GPHN: variants seen among roughly 807,000 people sequenced by gnomAD.
GPHN encodes gephyrin.
Under a neutral mutation model 95.5 loss-of-function variants are expected in GPHN, and 17 were observed. The observed-to-expected ratio is 0.18, with a 90% CI of 0.12 to 0.27. The LOEUF (loss-of-function observed/expected upper bound fraction) is 0.27, where lower values mean the gene tolerates loss of function less well. Among genes scored for constraint, GPHN ranks in the 10% least tolerant of loss-of-function variants. The pLI is 1.00. For missense variants in GPHN, 660 were observed against 978.1 expected, an observed-to-expected ratio of 0.67 and a Z score of 4.34; for synonymous variants, 320 against 322.5, an observed-to-expected ratio of 0.99 and a Z score of 0.08.
At chr14:67,574,398 A>G in the GPHN span, 10 of 1,568,586 alleles carry the variant, frequency 6.4e-6, no homozygotes, top group Non-Finnish European at 3.5e-6. This position sits in a 1 kb window ranked among gnomAD's most constrained non-coding sequence, Gnocchi z 4.2. Context: ...GGGCTGGCTG[A>G]CCAAGGTAGA....
At chr14:67,079,909 C>A (rs756629500) in intron 11 of GPHN, among the ~76,000 whole-genome samples, 2 of 151,988 alleles carry the variant, frequency 1.3e-5, no homozygotes, top group Non-Finnish European at 2.9e-5. Flanking sequence ...ATATTCAAGA[C>A]CTTGCTTTTA....
At chr14:67,173,564 C>T (rs745611468) in intron 21 of GPHN, among the ~76,000 whole-genome samples, 8 of 152,146 alleles carry the variant, frequency 5.3e-5, no homozygotes, top group Non-Finnish European at 7.4e-5. Context: ...AAATGAAAGA[C>T]TTTTTCTATG....
the GPHN span, among the ~76,000 whole-genome samples, chr14:67,477,751 G>A: frequency 6.6e-6 from 1 of 152,192 alleles, no homozygotes; most frequent in South Asian, 2.1e-4. Flanking sequence ...AGACAATGCA[G>A]TGAGACTCTG....
intron 2 of GPHN, among the ~76,000 whole-genome samples, chr14:66,743,796 A>G (rs1234350886): frequency 6.6e-6 from 1 of 152,082 alleles, no homozygotes; most frequent in East Asian, 1.9e-4. Flanking sequence ...ACAGCTAACC[A>G]AGTCTTATTT....
the GPHN span, among the ~76,000 whole-genome samples, chr14:67,549,785 G>A: frequency 9.8e-5 from 15 of 152,328 alleles, no homozygotes; most frequent in African/African-American, 3.1e-4. Context: ...AGTGTGGTCT[G>A]TGGACCACCA....
In GPHN at chr14:66,668,384, A is replaced by T. The variant is rs543154287; in HGVS notation, c.65-12723A>T. Among the ~76,000 whole-genome samples, 12 of 152,332 alleles carry T rather than the reference A, an allele frequency of 7.9e-5. No individual in the cohort carries two copies. The South Asian group carries it at 2.1e-3, about 26-fold the overall frequency. On this transcript the variant is annotated intron_variant, in intron 1 of 22. Transcript: ENST00000478722. Reference sequence around the variant, plus strand: ...ATAGCAAACATATGGAATCAACCCAAGTGCCCATCAATGATAGACTGGATA... The same window carrying T: ...ATAGCAAACATATGGAATCAACCCATGTGCCCATCAATGATAGACTGGATA...
chr14:66,768,255 A>G (rs1055203982), intron 2 of GPHN, among the ~76,000 whole-genome samples: 5 of 151,974 alleles, frequency 3.3e-5, no homozygotes, highest in African/African-American at 9.7e-5. Context: ...TAACATCAAT[A>G]TAAATTGCAA....
At chr14:66,609,004 G>A (rs886463907) in intron 1 of GPHN, among the ~76,000 whole-genome samples, 16 of 152,124 alleles carry the variant, frequency 1.1e-4, no homozygotes, top group Non-Finnish European at 1.5e-5. Flanking sequence ...ATTGATATGT[G>A]AAGTTTTGAT....
chr14:67,370,166 T>G, the GPHN span, among the ~76,000 whole-genome samples: 1 of 152,270 alleles, frequency 6.6e-6, no homozygotes, highest in Admixed American at 6.5e-5. Context: ...AGCAGTTTTC[T>G]GCCCTGGGCG....
chr14:67,706,420 T>A, the GPHN span, among the ~76,000 whole-genome samples: 26 of 152,304 alleles, frequency 1.7e-4, no homozygotes, highest in African/African-American at 6.3e-4. Context: ...ACAACATATG[T>A]CCAAGGTGGT....
chr14:66,685,198 C>T (rs771759284), intron 2 of GPHN, among the ~76,000 whole-genome samples: 8 of 152,022 alleles, frequency 5.3e-5, no homozygotes, highest in South Asian at 2.1e-4. Context: ...TGAATAGTGC[C>T]GCAATAAACA....
chr14:66,585,557 T>C (rs1337852389), intron 1 of GPHN, among the ~76,000 whole-genome samples: 1 of 152,210 alleles, frequency 6.6e-6, no homozygotes, highest in Non-Finnish European at 1.5e-5. Context: ...CACACTGCTT[T>C]AAATGTGTCC....
At chr14:67,283,007 T>C in the GPHN span, among the ~76,000 whole-genome samples, 3 of 152,122 alleles carry the variant, frequency 2.0e-5, no homozygotes, top group Admixed American at 2.0e-4. Context: ...ATCATATATG[T>C]GACTATAAAA....
chr14:67,661,362 C>T, the GPHN span, among the ~76,000 whole-genome samples: 10 of 137,632 alleles, frequency 7.3e-5, no homozygotes, highest in African/African-American at 2.7e-4. Flanking sequence ...GTTCAGTAAA[C>T]GGAACCAACT....
the GPHN span, chr14:67,392,645 C>T: frequency 6.3e-7 from 1 of 1,599,346 alleles, no homozygotes; most frequent in East Asian, 2.2e-5. Flanking sequence ...GCAAGAAGAA[C>T]CCACTCCCCA....
At chr14:66,556,777 CTT>C (rs1318149234) in intron 1 of GPHN, among the ~76,000 whole-genome samples, 3 of 151,988 alleles carry the variant, frequency 2.0e-5, no homozygotes, top group Admixed American at 1.3e-4. Context: ...TTTATATTGA[CTT>C]ATTTCATTAT....
the GPHN span, among the ~76,000 whole-genome samples, chr14:67,298,152 T>C: frequency 6.6e-6 from 1 of 152,044 alleles, no homozygotes; most frequent in South Asian, 2.1e-4. Context: ...TTAGACTTAA[T>C]CTTGTGACAG....
intron 1 of GPHN, among the ~76,000 whole-genome samples, chr14:66,550,580 A>G (rs2059773476): frequency 1.3e-5 from 2 of 152,260 alleles, no homozygotes; most frequent in Non-Finnish European, 2.9e-5. Context: ...GATTGACAGC[A>G]ATTTTGAAAG....
intron 1 of GPHN, among the ~76,000 whole-genome samples, chr14:66,534,523 T>G (rs773219119): frequency 1.1e-4 from 16 of 152,176 alleles, no homozygotes; most frequent in Non-Finnish European, 2.4e-4. Flanking sequence ...TTGAATTGTT[T>G]CTAATTTTTG....
Sources: allele counts gnomAD v4.1 joint callset (sites outside exome capture counted in the v4.1 genomes callset), GRCh38; gene constraint gnomAD v4.1.1; non-coding constraint Gnocchi (gnomAD v3.1); transcripts MANE v1.5; gene names NCBI Gene and HGNC (gene_info 2026-07-23, HGNC 2026-07-21).